Variants in PARD3 observed in about 807,000 individuals in gnomAD.
PARD3 encodes the protein par-3 family cell polarity regulator.
Under a neutral mutation model 155.4 loss-of-function variants are expected in PARD3, and 75 were observed. That is an observed-to-expected ratio of 0.48 (90% confidence interval 0.40 to 0.58). The LOEUF is 0.58. Among genes scored for constraint, PARD3 ranks in the 20% least tolerant of loss-of-function variants. The pLI is 0.00. For missense variants in PARD3, 1,642 were observed against 1,721.7 expected, an observed-to-expected ratio of 0.95 and a Z score of 0.82; for synonymous variants, 576 against 610.5, an observed-to-expected ratio of 0.94 and a Z score of 0.83.
intron 24 of PARD3, among the ~76,000 whole-genome samples, chr10:34,113,847 G>C (rs1255558610): frequency 6.6e-6 from 1 of 152,188 alleles, no homozygotes; most frequent in East Asian, 1.9e-4. Context: ...GTTGTGGGGA[G>C]AAAGAAATGA....
chr10:34,140,829 G>A (rs1948150051), intron 22 of PARD3, among the ~76,000 whole-genome samples: 1 of 152,112 alleles, frequency 6.6e-6, no homozygotes, highest in South Asian at 2.1e-4. Flanking sequence ...TAGGAATGTG[G>A]TGCCCACATT....
chr10:34,547,650 C>G (rs980432840), intron 2 of PARD3, among the ~76,000 whole-genome samples: 3 of 152,194 alleles, frequency 2.0e-5, no homozygotes, highest in Non-Finnish European at 2.9e-5. Flanking sequence ...CAGGTTATCA[C>G]TGAGTGCGCT....
intron 2 of PARD3, among the ~76,000 whole-genome samples, chr10:34,648,612 G>GTT (rs1434987736): frequency 6.6e-6 from 1 of 152,124 alleles, no homozygotes; most frequent in Admixed American, 6.5e-5. Context: ...CTCACACACA[G>GTT]TTCCGCTAAC....
chr10:34,259,885 G>T (rs1328015584), intron 22 of PARD3, among the ~76,000 whole-genome samples: 3 of 152,068 alleles, frequency 2.0e-5, no homozygotes, highest in African/African-American at 7.2e-5. Flanking sequence ...CTGTTGCCTA[G>T]GCTGGAGAAC....
intron 5 of PARD3, among the ~76,000 whole-genome samples, chr10:34,402,373 C>G (rs1303070285): frequency 6.6e-6 from 1 of 152,036 alleles, no homozygotes; most frequent in African/African-American, 2.4e-5. Context: ...TAACCATTAC[C>G]AAAAGCTTCA....
chr10:34,500,249 TAGAAAAGGGTGCTATGCTTA>T (rs2080592838), intron 3 of PARD3, among the ~76,000 whole-genome samples: 1 of 152,164 alleles, frequency 6.6e-6, no homozygotes, highest in Non-Finnish European at 1.5e-5. Context: ...CACATAAAAC[TAGAAAAGGGTGCTATGCTTA>T]AGAAAATTTT....
At chr10:34,792,196 C>G (rs911383536) in intron 1 of PARD3, among the ~76,000 whole-genome samples, 7 of 152,180 alleles carry the variant, frequency 4.6e-5, no homozygotes, top group African/African-American at 1.7e-4. Flanking sequence ...CTCTCTGGCT[C>G]CACCCAACGC....
At chr10:34,763,764 T>C (rs1180296053) in intron 1 of PARD3, among the ~76,000 whole-genome samples, 1 of 152,206 alleles carries the variant, frequency 6.6e-6, no homozygotes, top group Non-Finnish European at 1.5e-5. Context: ...CCACATCTCC[T>C]GGCTTCCTAT....
intron 5 of PARD3, among the ~76,000 whole-genome samples, chr10:34,414,879 T>C (rs1845510303): frequency 6.6e-6 from 1 of 151,860 alleles, no homozygotes; most frequent in South Asian, 2.1e-4. Flanking sequence ...AAAAGGAAAC[T>C]GAAAAGACCT....
chr10:34,554,580 C>T (rs542845316), intron 2 of PARD3, among the ~76,000 whole-genome samples: 3 of 152,198 alleles, frequency 2.0e-5, no homozygotes, highest in African/African-American at 7.2e-5. Flanking sequence ...TCTCATAACT[C>T]AAAGACTTTA....
At chr10:34,736,688 T>C (rs1232863154) in intron 1 of PARD3, among the ~76,000 whole-genome samples, 1 of 151,464 alleles carries the variant, frequency 6.6e-6, no homozygotes, top group Admixed American at 6.6e-5. Flanking sequence ...ATTTATTTAT[T>C]TACTGAGACA....
At chr10:34,741,447 A>G (rs1329338928) in intron 1 of PARD3, among the ~76,000 whole-genome samples, 1 of 152,080 alleles carries the variant, frequency 6.6e-6, no homozygotes, top group Non-Finnish European at 1.5e-5. Flanking sequence ...AGCCTCCAAA[A>G]GTGCTGGGAT....
chr10:34,505,357 GAAGTGAA>G (rs1182228170), intron 3 of PARD3, among the ~76,000 whole-genome samples: 1 of 152,218 alleles, frequency 6.6e-6, no homozygotes, highest in Non-Finnish European at 1.5e-5. Context: ...AGGGTAAAAG[GAAGTGAA>G]GAGGGAAGAA....
rs1009457588 is a variant in PARD3 at position 34,346,130 on chromosome 10, A to C, written c.2218+1835T>G. On this transcript the variant is annotated intron_variant, in intron 15 of 24. Transcript: ENST00000374788. ...TGGGAGAGAAGTTACTGCCCTGGGG[A>C]AGCATCTGGAGTTTTAAGAGTTCAG... The C allele has an allele frequency of 3.0e-6, 3 of 1,015,204 alleles. No homozygotes were observed. In the African/African-American group the frequency reaches 5.2e-5, roughly 18 times the overall value. The allele number at this position is 1,015,204 out of a possible 1,614,324, so 62.9% of individuals were successfully genotyped here.
chr10:34,483,579 C>A (rs553568963), intron 3 of PARD3, among the ~76,000 whole-genome samples: 3 of 151,820 alleles, frequency 2.0e-5, no homozygotes, highest in South Asian at 2.1e-4. Context: ...CATATATGTG[C>A]TGAGTAGGAG....
chr10:34,624,676 A>G (rs1008756373), intron 2 of PARD3, among the ~76,000 whole-genome samples: 9 of 152,198 alleles, frequency 5.9e-5, no homozygotes, highest in Admixed American at 5.9e-4. Context: ...GATGGTGGAG[A>G]GGACAGGAGG....
intron 1 of PARD3, among the ~76,000 whole-genome samples, chr10:34,752,192 A>G (rs965678352): frequency 2.6e-5 from 4 of 152,074 alleles, no homozygotes; most frequent in African/African-American, 9.7e-5. Flanking sequence ...AAACTGTCAC[A>G]TACTGGTGGG....
intron 20 of PARD3, among the ~76,000 whole-genome samples, chr10:34,293,911 G>A (rs1247325252): frequency 6.6e-6 from 1 of 152,134 alleles, no homozygotes; most frequent in African/African-American, 2.4e-5. Context: ...TGGTTACCAT[G>A]GTTTTCCTTT....
At chr10:34,561,050 C>G (rs2085427446) in intron 2 of PARD3, among the ~76,000 whole-genome samples, 1 of 152,152 alleles carries the variant, frequency 6.6e-6, no homozygotes, top group Non-Finnish European at 1.5e-5. Context: ...TACTCAGCGT[C>G]AAGTGTGCAG....
Sources: gnomAD v4.1 joint callset for allele counts (sites outside exome capture counted in the v4.1 genomes callset) on GRCh38, gnomAD v4.1.1 for gene constraint, MANE v1.5 for transcripts, NCBI Gene and HGNC (gene_info 2026-07-23, HGNC 2026-07-21) for gene names.